SLC20A2: variants seen among roughly 807,000 people sequenced by gnomAD.
The protein encoded by SLC20A2 is sodium-dependent phosphate transporter 2.
Under a neutral mutation model 61.0 loss-of-function variants are expected in SLC20A2, and 30 were observed. The observed-to-expected ratio is 0.49, with a 90% CI of 0.37 to 0.67. SLC20A2 has a LOEUF of 0.67. Ranked by LOEUF, SLC20A2 falls within the 30% of genes least tolerant of loss-of-function variation. The pLI, the probability that SLC20A2 is intolerant of heterozygous loss-of-function variation, is 0.00. For synonymous variants in SLC20A2, 351 were observed against 353.3 expected (o/e 0.99, Z 0.07); for missense variants, 626 against 866.4 (o/e 0.72, Z 3.48).
At chr8:42,509,624 C>A (rs946078875) in intron 1 of SLC20A2, among the ~76,000 whole-genome samples, 5 of 151,858 alleles carry the variant, frequency 3.3e-5, no homozygotes, top group African/African-American at 1.2e-4. Flanking sequence ...TGCAGTGGTA[C>A]CCGCCTGTAG....
chr8:42,427,099 T>G (rs941358655), intron 10 of SLC20A2, among the ~76,000 whole-genome samples: 1 of 152,250 alleles, frequency 6.6e-6, no homozygotes, highest in Non-Finnish European at 1.5e-5. Flanking sequence ...CTTCCTGCCT[T>G]CCTTCCCCAT....
chr8:42,468,851 C>T (rs1807395779), intron 2 of SLC20A2, among the ~76,000 whole-genome samples: 1 of 151,934 alleles, frequency 6.6e-6, no homozygotes, highest in African/African-American at 2.4e-5. Flanking sequence ...TGGGTCTTTC[C>T]ACAAAAAAAG....
At position 42,533,848 on chromosome 8, in the gene SLC20A2, G is replaced by A. The variant is rs879602835; in HGVS notation, c.-265+7973C>T. Among the ~76,000 whole-genome samples the A allele has an allele frequency of 1.1e-4, 17 of 149,950 alleles. No individual in the cohort carries two copies. The East Asian group carries it at 2.0e-3, about 18-fold the overall frequency. On this transcript the variant is annotated intron_variant, in intron 1 of 10. Transcript: ENST00000342228. Reference sequence around the variant, plus strand: ...TAATTTTTGTATTTCTAGTGGAGACGGGGGTTTCACTATGTTGGTCAGGCT... The same window carrying A: ...TAATTTTTGTATTTCTAGTGGAGACAGGGGTTTCACTATGTTGGTCAGGCT...
intron 4 of SLC20A2, among the ~76,000 whole-genome samples, chr8:42,461,390 T>A (rs1156694643): frequency 6.6e-6 from 1 of 152,150 alleles, no homozygotes; most frequent in Non-Finnish European, 1.5e-5. Flanking sequence ...AACCAATAAC[T>A]TCTGCAGGTG....
intron 1 of SLC20A2, among the ~76,000 whole-genome samples, chr8:42,526,382 C>T (rs866919970): frequency 6.6e-6 from 1 of 151,602 alleles, no homozygotes; most frequent in African/African-American, 2.4e-5. Context: ...GTCTTAGAAA[C>T]ATCACAGCCG....
intron 1 of SLC20A2, among the ~76,000 whole-genome samples, chr8:42,500,679 T>C (rs1373680262): frequency 6.6e-6 from 1 of 152,196 alleles, no homozygotes; most frequent in Non-Finnish European, 1.5e-5. Flanking sequence ...TCTCAAGAAT[T>C]AGGTTACCAT....
At chr8:42,429,389 G>A (rs1184827488) in intron 9 of SLC20A2, among the ~76,000 whole-genome samples, 1 of 152,120 alleles carries the variant, frequency 6.6e-6, no homozygotes, top group African/African-American at 2.4e-5. Context: ...CCTGGGTTCC[G>A]GTCCTCCCCA....
chr8:42,523,864 C>T (rs78183469), intron 1 of SLC20A2, among the ~76,000 whole-genome samples: 2,441 of 152,238 alleles, frequency 0.016, 59 homozygotes, highest in African/African-American at 0.055. Context: ...CGGCTAGTGG[C>T]GAAATCTGAA....
rs376930349 is a variant in SLC20A2, at chr8:42,472,142, C to T, written c.249G>A (p.Thr83=). Reference sequence around the variant, plus strand: ...CTTCCCCAGCCATGAGAGTCTCCACCGTCTCGTTGTACAGGTTCACGTCAA... The same window carrying T: ...CTTCCCCAGCCATGAGAGTCTCCACTGTCTCGTTGTACAGGTTCACGTCAA... The part of the protein sequence containing the change: ...GIIDVNLYNE[T]VETLMAGEVS... The change falls in exon 2 of 11, where the codon ACG becomes ACA. Residue 83 remains threonine (T), a synonymous_variant. Coordinates refer to ENST00000520262, the MANE Select transcript of SLC20A2 (RefSeq NM_001257180.2). The surrounding 1 kb of genome is among the most constrained non-coding windows in gnomAD (Gnocchi z 4.1). 1.2e-5 allele frequency: 19 copies of T among 1,613,594 alleles called. No homozygotes were observed. Among genetic ancestry groups the T allele is most frequent in the Middle Eastern group, 1.7e-4 (1 of 5,738 alleles).
chr8:42,463,111 T>C (rs78071891), intron 3 of SLC20A2, 21 bp from the exon 4 acceptor site: 55 of 1,345,446 alleles, frequency 4.1e-5, no homozygotes, highest in Non-Finnish European at 5.0e-5. Flanking sequence ...AAAAAAAAAA[T>C]CTAATGAATG....
intron 1 of SLC20A2, among the ~76,000 whole-genome samples, chr8:42,496,125 G>A (rs1296266654): frequency 6.6e-6 from 1 of 152,136 alleles, no homozygotes; most frequent in African/African-American, 2.4e-5. Flanking sequence ...TTTCAGACAT[G>A]GCAGTGCGTT....
intron 9 of SLC20A2, among the ~76,000 whole-genome samples, chr8:42,429,806 T>G (rs1454628938): frequency 6.6e-6 from 1 of 152,150 alleles, no homozygotes; most frequent in African/African-American, 2.4e-5. Flanking sequence ...CTTCCCTGCC[T>G]GCTCTGCTCC....
chr8:42,510,478 C>T (rs373986956), intron 1 of SLC20A2, among the ~76,000 whole-genome samples: 9 of 152,160 alleles, frequency 5.9e-5, no homozygotes, highest in African/African-American at 1.7e-4. Flanking sequence ...TATCAAGCAA[C>T]GAGCTGCTAA....
intron 1 of SLC20A2, among the ~76,000 whole-genome samples, chr8:42,532,199 T>C (rs893596079): frequency 2.6e-5 from 4 of 152,178 alleles, no homozygotes; most frequent in South Asian, 2.1e-4. Context: ...AATGACCCAA[T>C]ACTAAAGCTA....
intron 1 of SLC20A2, among the ~76,000 whole-genome samples, chr8:42,527,912 G>A (rs1321464235): frequency 6.6e-6 from 1 of 152,074 alleles, no homozygotes; most frequent in Non-Finnish European, 1.5e-5. Flanking sequence ...TTAAAAACAT[G>A]TGTATGTGTC....
At chr8:42,535,789 G>A (rs747260888) in intron 1 of SLC20A2, among the ~76,000 whole-genome samples, 53 of 152,152 alleles carry the variant, frequency 3.5e-4, no homozygotes, top group Admixed American at 1.2e-3. Flanking sequence ...TGATGTCCGG[G>A]GCCTGTGGCA....
chr8:42,428,053 A>G (rs1358524329), intron 10 of SLC20A2, among the ~76,000 whole-genome samples: 1 of 152,172 alleles, frequency 6.6e-6, no homozygotes, highest in African/African-American at 2.4e-5. Flanking sequence ...TTGGGTGATG[A>G]GACCGGGGCT....
At chr8:42,456,989 T>G (rs1323584766) in intron 5 of SLC20A2, among the ~76,000 whole-genome samples, 3 of 151,868 alleles carry the variant, frequency 2.0e-5, no homozygotes, top group Admixed American at 1.3e-4. Flanking sequence ...AGTGGCGGGA[T>G]CTCGGCTCAC....
At chr8:42,423,578 T>C (rs181200406) in intron 10 of SLC20A2, among the ~76,000 whole-genome samples, 52 of 152,314 alleles carry the variant, frequency 3.4e-4, no homozygotes, top group African/African-American at 1.2e-3. Context: ...CAGGAAGGCA[T>C]ATGATCAGTA....
Sources: gnomAD v4.1 joint callset for allele counts (sites outside exome capture counted in the v4.1 genomes callset) on GRCh38, gnomAD v4.1.1 for gene constraint, Gnocchi (gnomAD v3.1) non-coding constraint, MANE v1.5 for transcripts, NCBI Gene and HGNC (gene_info 2026-07-23, HGNC 2026-07-21) for gene names.